The following GPC6 variants were observed in gnomAD, a reference collection of about 807,000 sequenced individuals.
GPC6 encodes the protein glypican-6.
Under a neutral mutation model 55.2 loss-of-function variants are expected in GPC6, and 14 were observed. That is an observed-to-expected ratio of 0.25 (90% CI 0.17 to 0.40). The LOEUF (loss-of-function observed/expected upper bound fraction) is 0.40, where lower values mean the gene tolerates loss of function less well. Among genes scored for constraint, GPC6 ranks in the 10% least tolerant of loss-of-function variants. The pLI, the probability that GPC6 is intolerant of heterozygous loss-of-function variation, is 1.00. For missense variants in GPC6, 641 were observed against 708.5 expected, an observed-to-expected ratio of 0.90 and a Z score of 1.08; for synonymous variants, 278 against 259.6, an observed-to-expected ratio of 1.07 and a Z score of -0.68.
At chr13:94,041,434 G>C (rs1883529328) in intron 4 of GPC6, among the ~76,000 whole-genome samples, 1 of 151,672 alleles carries the variant, frequency 6.6e-6, no homozygotes, top group South Asian at 2.1e-4. Flanking sequence ...AGGCATTAGG[G>C]GACTTATTTT....
intron 4 of GPC6, among the ~76,000 whole-genome samples, chr13:94,272,453 CTTTTCTTTTCTTTTTTTT>C (rs1224014214): frequency 8.5e-6 from 1 of 118,094 alleles, no homozygotes; most frequent in African/African-American, 3.9e-5. Context: ...CTTTTCTTTT[CTTTTCTTTTCTTTTTTTT>C]TTTTTTTTTT....
At chr13:93,843,112 A>G (rs1888015581) in intron 3 of GPC6, among the ~76,000 whole-genome samples, 1 of 150,682 alleles carries the variant, frequency 6.6e-6, no homozygotes, top group Admixed American at 6.6e-5. Flanking sequence ...CCTATATCTT[A>G]AAAATTTTCT....
intron 1 of GPC6, among the ~76,000 whole-genome samples, chr13:93,464,469 A>G (rs1878829997): frequency 6.6e-6 from 1 of 152,234 alleles, no homozygotes; most frequent in Non-Finnish European, 1.5e-5. Flanking sequence ...TGGTCACAGC[A>G]TCTTCAGCAG....
intron 2 of GPC6, among the ~76,000 whole-genome samples, chr13:93,649,475 A>G (rs1009050680): frequency 6.6e-6 from 1 of 152,168 alleles, no homozygotes; most frequent in African/African-American, 2.4e-5. Context: ...TCATGTTGTG[A>G]AATAGACTCT....
intron 6 of GPC6, among the ~76,000 whole-genome samples, chr13:94,334,639 C>G (rs989883667): frequency 4.6e-5 from 7 of 152,128 alleles, no homozygotes; most frequent in Non-Finnish European, 8.8e-5. Context: ...AAGTGGGGCC[C>G]CAAAATTGTG....
chr13:94,083,397 C>T (rs9589899), intron 4 of GPC6, among the ~76,000 whole-genome samples: 5 of 152,268 alleles, frequency 3.3e-5, no homozygotes, highest in Admixed American at 2.0e-4. Context: ...GGATTACAGG[C>T]ATGAGCCACT....
At chr13:93,305,433 T>C (rs1878824891) in intron 1 of GPC6, among the ~76,000 whole-genome samples, 1 of 152,132 alleles carries the variant, frequency 6.6e-6, no homozygotes, top group Non-Finnish European at 1.5e-5. Context: ...TGGTGATTAT[T>C]GTGAGGCAGG....
intron 2 of GPC6, among the ~76,000 whole-genome samples, chr13:93,687,791 T>TGATTACACA (rs5805818): frequency 0.55 from 83,526 of 151,340 alleles, 23,900 homozygotes; most frequent in Middle Eastern, 0.76. Context: ...GAGAAGGGAC[T>TGATTACACA]GAATGCATTG....
chr13:93,838,805 A>G (rs1465662661), intron 3 of GPC6, among the ~76,000 whole-genome samples: 1 of 152,048 alleles, frequency 6.6e-6, no homozygotes, highest in East Asian at 1.9e-4. Flanking sequence ...GCCACGATGC[A>G]TAGTTTAGGG....
intron 3 of GPC6, among the ~76,000 whole-genome samples, chr13:93,953,970 T>C (rs1441893296): frequency 6.6e-6 from 1 of 152,214 alleles, no homozygotes; most frequent in Non-Finnish European, 1.5e-5. Context: ...CTGGTGCCTT[T>C]ATCATGTTGA....
At chr13:94,312,087 T>C (rs1594157566) in intron 6 of GPC6, among the ~76,000 whole-genome samples, 1 of 152,230 alleles carries the variant, frequency 6.6e-6, no homozygotes, top group African/African-American at 2.4e-5. Context: ...CATACTGGAA[T>C]GAATACATAT....
intron 4 of GPC6, among the ~76,000 whole-genome samples, chr13:94,109,148 G>A (rs890498807): frequency 2.0e-5 from 3 of 152,178 alleles, no homozygotes; most frequent in Non-Finnish European, 4.4e-5. Flanking sequence ...ACATGGCCTT[G>A]CAGGATGTTT....
At chr13:93,375,779 T>G (rs1874868175) in intron 1 of GPC6, among the ~76,000 whole-genome samples, 1 of 152,116 alleles carries the variant, frequency 6.6e-6, no homozygotes, top group Admixed American at 6.5e-5. Flanking sequence ...GCCAATTAAT[T>G]TTAAGACTTC....
At chr13:93,593,416 T>A (rs1877578354) in intron 2 of GPC6, among the ~76,000 whole-genome samples, 1 of 152,144 alleles carries the variant, frequency 6.6e-6, no homozygotes, top group East Asian at 1.9e-4. Context: ...CTGCATAAAC[T>A]TACTTTATTT....
In GPC6 at chr13:93,628,628, A is replaced by G. The variant is rs373613491; in HGVS notation, c.319+83207A>G. On this transcript the variant is annotated intron_variant, in intron 2 of 8. Coordinates refer to ENST00000377047, the MANE Select transcript of GPC6 (RefSeq NM_005708.5). ...GCATGACACTGGAGTTTATGTAAATAGCTAAGTGAAGTATTATGGCCAGTG... is the reference window on the plus strand; with the variant it reads ...GCATGACACTGGAGTTTATGTAAATGGCTAAGTGAAGTATTATGGCCAGTG... Among the ~76,000 whole-genome samples the G allele has an allele frequency of 4.6e-5, 7 of 152,294 alleles. No individual in the cohort carries two copies. The South Asian group carries it at 1.4e-3, about 32-fold the overall frequency.
intron 4 of GPC6, among the ~76,000 whole-genome samples, chr13:94,185,452 G>C (rs150156327): frequency 2.0e-3 from 305 of 151,736 alleles, no homozygotes; most frequent in African/African-American, 6.7e-3. Context: ...CATAGACAAC[G>C]TGTACATAGA....
At chr13:93,574,469 C>A (rs1876563513) in intron 2 of GPC6, among the ~76,000 whole-genome samples, 1 of 151,990 alleles carries the variant, frequency 6.6e-6, no homozygotes, top group Non-Finnish European at 1.5e-5. Context: ...TATGGCCCTG[C>A]TTACTTTCTT....
At position 93,427,250 on chromosome 13, in the gene GPC6, C is replaced by A. The variant is rs183307977; in HGVS notation, c.161-118013C>A. On this transcript the variant is annotated intron_variant, in intron 1 of 8. Coordinates refer to ENST00000377047, the MANE Select transcript of GPC6 (RefSeq NM_005708.5). ...TTCTTCACAGAATTGGAAAAAACTACTTTAAAGTTCATATGGAACCAAAAA... is the reference window on the plus strand; with the variant it reads ...TTCTTCACAGAATTGGAAAAAACTAATTTAAAGTTCATATGGAACCAAAAA... 2.6e-5 allele frequency among the ~76,000 whole-genome samples: 4 copies of A among 152,096 alleles called. No homozygotes were observed. The East Asian group carries it at 5.8e-4, about 22-fold the overall frequency.
chr13:93,573,450 T>C (rs2139477932), intron 2 of GPC6, among the ~76,000 whole-genome samples: 1 of 152,120 alleles, frequency 6.6e-6, no homozygotes, highest in South Asian at 2.1e-4. Flanking sequence ...TCCCCAAACC[T>C]GATGGATTTT....
Sources: allele counts gnomAD v4.1 joint callset (sites outside exome capture counted in the v4.1 genomes callset), GRCh38; gene constraint gnomAD v4.1.1; transcripts MANE v1.5; gene names NCBI Gene and HGNC (gene_info 2026-07-23, HGNC 2026-07-21).